Variants in OSBPL5 observed in about 807,000 individuals in gnomAD.
The protein encoded by OSBPL5 is oxysterol binding protein like 5.
A neutral mutation model predicts 111.2 loss-of-function variants in OSBPL5; 71 were observed. That is an observed-to-expected ratio of 0.64 (90% CI 0.53 to 0.78). The LOEUF is 0.78. OSBPL5 is among the 30% of genes least tolerant of loss of function. OSBPL5 has a pLI of 0.00. For missense variants in OSBPL5, 1,210 were observed against 1,189.3 expected (o/e 1.02, Z -0.26); for synonymous variants, 549 against 513.9 (o/e 1.07, Z -0.93).
In OSBPL5 at chr11:3,088,172, C is replaced by T. The variant is rs374745376; in HGVS notation, c.*33G>A. 45 of 1,519,502 alleles carry T rather than the reference C, an allele frequency of 3.0e-5. No individual in the cohort carries two copies. Among genetic ancestry groups the T allele is most frequent in the South Asian group, 3.9e-5 (3 of 76,824 alleles). 94.1% of individuals were successfully genotyped at this position (1,519,502 alleles called of 1,614,324 possible). A position where few individuals can be genotyped will look rare whatever the true frequency, so the allele number is the denominator to read the frequency against. On this transcript the variant is annotated 3_prime_UTR_variant, in exon 22 of 22. Coordinates refer to ENST00000263650, the MANE Select transcript of OSBPL5 (RefSeq NM_020896.4). Reference sequence around the variant, plus strand: ...TGCTGGGTGCCTGGGAGGGAGGGCTCAGGACCGGCCAGGAGCTCTGCCCTC... The same window carrying T: ...TGCTGGGTGCCTGGGAGGGAGGGCTTAGGACCGGCCAGGAGCTCTGCCCTC...
chr11:3,153,255 A>C (rs1426645908), intron 1 of OSBPL5, among the ~76,000 whole-genome samples: 3 of 152,052 alleles, frequency 2.0e-5, no homozygotes, highest in African/African-American at 7.3e-5. Context: ...GTTAAAGGAG[A>C]TAAGTCATTC....
chr11:3,163,672 A>AGATGTCGAACCCC (rs1847032231), intron 1 of OSBPL5, among the ~76,000 whole-genome samples: 1 of 152,210 alleles, frequency 6.6e-6, no homozygotes, highest in Admixed American at 6.5e-5. Flanking sequence ...CGACATCTGC[A>AGATGTCGAACCCC]GGGCAGCCTC....
At chr11:3,091,786 G>T (rs988072236) in intron 19 of OSBPL5, among the ~76,000 whole-genome samples, 2 of 152,160 alleles carry the variant, frequency 1.3e-5, no homozygotes, top group East Asian at 1.9e-4. Flanking sequence ...GGCAAGCAAG[G>T]CCTCTCATCT....
Position 3,104,137 on chromosome 11 carries a change from G to A in OSBPL5, c.1244+56C>T. 6.5e-7 allele frequency: 1 copy of A among 1,537,630 alleles called. No individual in the cohort carries two copies. The highest frequency in any genetic ancestry group is 1.8e-5 in the Admixed American group (1 of 55,502). On this transcript the variant is annotated intron_variant, in intron 10 of 21. Transcript: ENST00000263650. This position sits in a 1 kb window ranked among gnomAD's most constrained non-coding sequence, Gnocchi z 5.0. ...CAGGTAGGGGCTGGGGGTGCTGCAG[G>A]GTCTCATGCAGATGCAGGACGAGGT...
chr11:3,157,172 G>C (rs4237785), intron 1 of OSBPL5, among the ~76,000 whole-genome samples: 94,546 of 152,160 alleles, frequency 0.62, 30,076 homozygotes, highest in African/African-American at 0.72. Context: ...CAAACACATG[G>C]GAGCAGACTC....
intron 14 of OSBPL5, among the ~76,000 whole-genome samples, chr11:3,097,117 A>G (rs1857297363): frequency 2.9e-5 from 3 of 105,048 alleles, no homozygotes; most frequent in Non-Finnish European, 3.9e-5. Context: ...GAGGAGGAGG[A>G]GAGGAAAGAA....
At position 3,104,506 on chromosome 11, in the gene OSBPL5, C is replaced by T. The variant is rs1857630475; in HGVS notation, c.1060-129G>A. 3.2e-6 allele frequency: 3 copies of T among 932,522 alleles called. No homozygotes were observed. The African/African-American group carries it at 5.0e-5, about 16-fold the overall frequency. The allele number at this position is 932,522 out of a possible 1,614,324, so 57.8% of individuals were successfully genotyped here. A position where few individuals can be genotyped will look rare whatever the true frequency, so the allele number is the denominator to read the frequency against. On this transcript the variant is annotated intron_variant, in intron 9 of 21. Coordinates refer to ENST00000263650, the MANE Select transcript of OSBPL5 (RefSeq NM_020896.4). This position sits in a 1 kb window ranked among gnomAD's most constrained non-coding sequence, Gnocchi z 5.0. Reference sequence around the variant, plus strand: ...TTAGGGTGTAAACCCCTGACCTGGCCTCCATGGCCTCATGAGGCTGACTCA... The same window carrying T: ...TTAGGGTGTAAACCCCTGACCTGGCTTCCATGGCCTCATGAGGCTGACTCA...
intron 2 of OSBPL5, among the ~76,000 whole-genome samples, chr11:3,127,937 G>A (rs185176094): frequency 2.0e-5 from 3 of 152,264 alleles, no homozygotes; most frequent in Admixed American, 1.3e-4. Flanking sequence ...TAGTTGGTCC[G>A]AGTCCCTCTG....
At position 3,113,122 on chromosome 11, in the gene OSBPL5, G is replaced by GAA. The variant is rs1858064789; in HGVS notation, c.692-5178_692-5177insTT. On this transcript the variant is annotated intron_variant, in intron 7 of 21. Coordinates refer to ENST00000263650, the MANE Select transcript of OSBPL5 (RefSeq NM_020896.4). This position sits in a 1 kb window ranked among gnomAD's most constrained non-coding sequence, Gnocchi z 4.8. ...TGCACTTGAATCAAATACTTGATCA[G>GAA]GAAAAAAGAAAAGACAAGTCAAATG... 3.3e-5 allele frequency among the ~76,000 whole-genome samples: 5 copies of GAA among 152,096 alleles called. No individual in the cohort carries two copies. The South Asian group carries it at 1.0e-3, about 32-fold the overall frequency.
Position 3,105,085 on chromosome 11 carries a change from CCA to C in OSBPL5, c.1060-710_1060-709del, listed in dbSNP as rs1270286957. On this transcript the variant is annotated intron_variant, in intron 9 of 21. Coordinates refer to ENST00000263650, the MANE Select transcript of OSBPL5 (RefSeq NM_020896.4). This position sits in a 1 kb window ranked among gnomAD's most constrained non-coding sequence, Gnocchi z 5.2. ...GGTGGCGGGGCTCCCCTTACTCACT[CCA>C]GACTTGCACCTCACCGCAGCCCCAG... Among the ~76,000 whole-genome samples, 2 of 152,296 alleles carry C rather than the reference CCA, an allele frequency of 1.3e-5. No individual in the cohort carries two copies. The highest frequency in any genetic ancestry group is 3.9e-4 in the East Asian group (2 of 5,170).
Position 3,119,514 on chromosome 11 carries a change from A to G in OSBPL5, c.691+33T>C, listed in dbSNP as rs777857763. 22 of 1,555,200 alleles carry G rather than the reference A, an allele frequency of 1.4e-5. No homozygotes were observed. In the African/African-American group the frequency reaches 2.8e-4, roughly 20 times the overall value. On this transcript the variant is annotated intron_variant, in intron 7 of 21. Coordinates refer to ENST00000263650, the MANE Select transcript of OSBPL5 (RefSeq NM_020896.4). ...AAGGGGGCCCACTTCAGGTGGGGGCACTGGGGAGATGCGCAAGCTGGCAGG... is the reference window on the plus strand; with the variant it reads ...AAGGGGGCCCACTTCAGGTGGGGGCGCTGGGGAGATGCGCAAGCTGGCAGG...
At chr11:3,116,695 A>G (rs1858217330) in intron 7 of OSBPL5, among the ~76,000 whole-genome samples, 1 of 151,992 alleles carries the variant, frequency 6.6e-6, no homozygotes, top group Admixed American at 6.5e-5. Context: ...TCTCTACTAA[A>G]AGTACAAAAA....
intron 5 of OSBPL5, among the ~76,000 whole-genome samples, 167 bp from the exon 6 acceptor site, chr11:3,120,791 C>G (rs921792187): frequency 1.3e-5 from 2 of 152,222 alleles, no homozygotes; most frequent in African/African-American, 4.8e-5. Flanking sequence ...TCCTCACCCT[C>G]ACTCCCTGGG....
rs566594934 is a variant in OSBPL5 at position 3,104,304 on chromosome 11, A to T, written c.1133T>A (p.Leu378Gln). 1 of 1,613,766 alleles carries T rather than the reference A, an allele frequency of 6.2e-7. No homozygotes were observed. The highest frequency in any genetic ancestry group is 1.7e-5 in the Admixed American group (1 of 60,022). The change falls in exon 10 of 22, where the codon CTA (leucine) becomes CAA (glutamine). Residue 378 changes from leucine to glutamine, a missense_variant. By Grantham distance (113) the Leu-to-Gln change is moderately radical (BLOSUM62 -2). Coordinates refer to ENST00000263650, the MANE Select transcript of OSBPL5 (RefSeq NM_020896.4). The surrounding 1 kb of genome is among the most constrained non-coding windows in gnomAD (Gnocchi z 5.0). ...KSLMWTLLKQ[L>Q]RPGMDLSRVV... is the part of the protein sequence containing the mutation. Reference sequence around the variant, plus strand: ...GCGGGACAGGTCCATGCCTGGCCGTAGCTGCTTCAGCAGGGTCCACATCAG... The same window carrying T: ...GCGGGACAGGTCCATGCCTGGCCGTTGCTGCTTCAGCAGGGTCCACATCAG...
intron 7 of OSBPL5, among the ~76,000 whole-genome samples, chr11:3,112,085 GC>G (rs1858007337): frequency 7.3e-6 from 1 of 137,668 alleles, no homozygotes; most frequent in African/African-American, 2.8e-5. Flanking sequence ...ATGTGTGTGT[GC>G]ATGTGTGTGT....
chr11:3,107,910 G>T lies in OSBPL5; in HGVS notation c.727C>A (p.Arg243Ser), dbSNP rs780419350. 2 of 1,602,282 alleles carry T rather than the reference G, an allele frequency of 1.2e-6. No homozygotes were observed. The highest frequency in any genetic ancestry group is 8.5e-7 in the Non-Finnish European group (1 of 1,179,832). The change falls in exon 8 of 22, where the codon CGC (arginine) becomes AGC (serine). Residue 243 changes from arginine (R) to serine (S), a missense_variant. By Grantham distance (110) the Arg-to-Ser change is moderately radical. Coordinates refer to ENST00000263650, the MANE Select transcript of OSBPL5 (RefSeq NM_020896.4). This position sits in a 1 kb window ranked among gnomAD's most constrained non-coding sequence, Gnocchi z 6.1. ...CWLDALELAL[R>S]CSSLLRLGTC... is the part of the protein sequence containing the mutation. Reference sequence around the variant, plus strand: ...CCCAGTCTCAGTAGGCTAGAGCAGCGCAGGGCCAGCTCCAGGGCGTCCAGC... The same window carrying T: ...CCCAGTCTCAGTAGGCTAGAGCAGCTCAGGGCCAGCTCCAGGGCGTCCAGC...
chr11:3,105,455 C>T lies in OSBPL5; in HGVS notation c.1060-1078G>A, dbSNP rs1055770472. On this transcript the variant is annotated intron_variant, in intron 9 of 21. Transcript: ENST00000263650. This position sits in a 1 kb window ranked among gnomAD's most constrained non-coding sequence, Gnocchi z 5.2. Reference sequence around the variant, plus strand: ...GGTCATGGGGAGCCCAGTGCTGTAGCTTTGGGGCTTGGAAATCATGGGTAG... The same window carrying T: ...GGTCATGGGGAGCCCAGTGCTGTAGTTTTGGGGCTTGGAAATCATGGGTAG... Among the ~76,000 whole-genome samples, 1 of 152,148 alleles carries T rather than the reference C, an allele frequency of 6.6e-6. No homozygotes were observed. Among genetic ancestry groups the T allele is most frequent in the African/African-American group, 2.4e-5 (1 of 41,418 alleles).
In OSBPL5 at chr11:3,140,958, T is replaced by A. The variant is rs561381633; in HGVS notation, c.-21-11789A>T. ...CAGAGCCACTCCTTCCCCGATGCCATCTGTCAAGGGTCAGGGGTCACACAC... is the reference window on the plus strand; with the variant it reads ...CAGAGCCACTCCTTCCCCGATGCCAACTGTCAAGGGTCAGGGGTCACACAC... On this transcript the variant is annotated intron_variant, in intron 1 of 21. Transcript: ENST00000263650. The surrounding 1 kb of genome is among the most constrained non-coding windows in gnomAD (Gnocchi z 4.5). Among the ~76,000 whole-genome samples, 5 of 151,532 alleles carry A rather than the reference T, an allele frequency of 3.3e-5. No homozygotes were observed. The highest frequency in any genetic ancestry group is 1.2e-4 in the African/African-American group (5 of 41,384).
rs1468408608 is a variant in OSBPL5 at position 3,146,840 on chromosome 11, C to T, written c.-21-17671G>A. On this transcript the variant is annotated intron_variant, in intron 1 of 21. Coordinates refer to ENST00000263650, the MANE Select transcript of OSBPL5 (RefSeq NM_020896.4). The surrounding 1 kb of genome is among the most constrained non-coding windows in gnomAD (Gnocchi z 7.8). ...TCCCTGGCAGCCAGATCCCCTTCGCCGTGGCTGGAGCTGGCGTTTCTATTT... is the reference window on the plus strand; with the variant it reads ...TCCCTGGCAGCCAGATCCCCTTCGCTGTGGCTGGAGCTGGCGTTTCTATTT... Among the ~76,000 whole-genome samples, 1 of 152,146 alleles carries T rather than the reference C, an allele frequency of 6.6e-6. No homozygotes were observed. The highest frequency in any genetic ancestry group is 1.5e-5 in the Non-Finnish European group (1 of 68,032).
Sources: gnomAD v4.1 joint callset for allele counts (sites outside exome capture counted in the v4.1 genomes callset) on GRCh38, gnomAD v4.1.1 for gene constraint, Gnocchi (gnomAD v3.1) non-coding constraint, MANE v1.5 for transcripts, NCBI Gene and HGNC (gene_info 2026-07-23, HGNC 2026-07-21) for gene names.